RPGRIP1L: variants seen among roughly 807,000 people sequenced by gnomAD.
RPGRIP1L encodes the protein protein fantom.
In RPGRIP1L, 131 loss-of-function variants were observed where a neutral mutation model predicts 160.4. The ratio of observed to expected loss-of-function variants is 0.82; its 90% CI spans 0.71 to 0.94. The LOEUF (loss-of-function observed/expected upper bound fraction) is 0.94, where lower values mean the gene tolerates loss of function less well. RPGRIP1L is among the 40% of genes least tolerant of loss of function. The pLI is 0.00. For synonymous variants in RPGRIP1L, 510 were observed against 515.8 expected, an observed-to-expected ratio of 0.99 and a Z score of 0.15; for missense variants, 1,522 against 1,535.8, an observed-to-expected ratio of 0.99 and a Z score of 0.15.
intron 24 of RPGRIP1L, among the ~76,000 whole-genome samples, chr16:53,613,551 A>G (rs971083795): frequency 3.3e-5 from 5 of 152,098 alleles, no homozygotes; most frequent in African/African-American, 7.2e-5. Context: ...TCCTGGCCTC[A>G]AGTGATCCTA....
intron 16 of RPGRIP1L, among the ~76,000 whole-genome samples, chr16:53,648,616 G>GCA (rs1966726545): frequency 1.2e-5 from 1 of 84,334 alleles, no homozygotes; most frequent in Non-Finnish European, 2.5e-5. Flanking sequence ...ACGCGCGTGC[G>GCA]CGCGCGCGCG....
intron 3 of RPGRIP1L, chr16:53,693,888 G>A (rs1007274306): frequency 6.6e-6 from 1 of 152,190 alleles, no homozygotes; most frequent in African/African-American, 2.4e-5. Flanking sequence ...ACACAGAGAT[G>A]TAGATTACAT....
intron 24 of RPGRIP1L, among the ~76,000 whole-genome samples, chr16:53,612,818 T>C (rs1030423683): frequency 3.9e-5 from 6 of 152,224 alleles, no homozygotes; most frequent in African/African-American, 1.2e-4. Context: ...AATATCTACA[T>C]ATTGTGGTAC....
intron 9 of RPGRIP1L, among the ~76,000 whole-genome samples, chr16:53,667,955 G>T (rs192921864): frequency 6.6e-6 from 1 of 152,174 alleles, no homozygotes; most frequent in South Asian, 2.1e-4. Context: ...CTACTTGGGA[G>T]GCTGAGGTGG....
chr16:53,619,955 ATAAT>A (rs1964605260), intron 23 of RPGRIP1L, among the ~76,000 whole-genome samples: 1 of 152,164 alleles, frequency 6.6e-6, no homozygotes, highest in South Asian at 2.1e-4. Flanking sequence ...ATGATTTCAA[ATAAT>A]TAATAGACTA....
intron 10 of RPGRIP1L, among the ~76,000 whole-genome samples, chr16:53,663,863 A>G (rs1968018901): frequency 1.3e-5 from 2 of 152,202 alleles, no homozygotes; most frequent in South Asian, 4.1e-4. Context: ...TAAAAATGCC[A>G]TCACTTATAA....
chr16:53,606,865 C>G lies in RPGRIP1L; in HGVS notation c.3702-1251G>C, dbSNP rs573438195. On this transcript the variant is annotated intron_variant, in intron 25 of 26. Transcript: ENST00000647211. ...CTGATTTCAGGTGATCTGCCCACCT[C>G]GGCCTCCCAAAGTAATGGGATTACA... is the stretch of plus-strand genomic sequence containing the variant. Among the ~76,000 whole-genome samples the G allele has an allele frequency of 2.0e-5, 3 of 152,282 alleles. 1 individual carries two copies. The South Asian group carries it at 6.2e-4, about 32-fold the overall frequency.
chr16:53,700,851 T>G, intron 1 of RPGRIP1L, 121 bp from the exon 2 acceptor site: 1 of 745,484 alleles, frequency 1.3e-6, no homozygotes, highest in Non-Finnish European at 2.4e-6. Flanking sequence ...ATTGTCCACA[T>G]GTGCTGCTTG....
At position 53,611,547 on chromosome 16, in the gene RPGRIP1L, C is replaced by A. The variant is rs76388305; in HGVS notation, c.3617-496G>T. Among the ~76,000 whole-genome samples, 1,225 of 152,308 alleles carry A rather than the reference C, an allele frequency of 8.0e-3. 9 individuals carry two copies. The highest frequency in any genetic ancestry group is 0.018 in the African/African-American group (737 of 41,560). ...GGTTGAGGAAATCCGCAGGCTGACG[C>A]CTGCTGGGGAGGGGTATGGGAGAGA... On this transcript the variant is annotated intron_variant, in intron 24 of 26. Coordinates refer to ENST00000647211, the MANE Select transcript of RPGRIP1L (RefSeq NM_015272.5).
At chr16:53,645,445 A>G (rs1966476549) in intron 17 of RPGRIP1L, among the ~76,000 whole-genome samples, 180 bp downstream of exon 17, 1 of 152,048 alleles carries the variant, frequency 6.6e-6, no homozygotes, top group African/African-American at 2.4e-5. Context: ...TAATACTGGG[A>G]TAAGATGCAC....
chr16:53,687,991 T>C (rs1336325372), intron 4 of RPGRIP1L, 26 bp from the exon 5 acceptor site: 1 of 1,322,266 alleles, frequency 7.6e-7, no homozygotes, highest in Non-Finnish European at 1.1e-6. Flanking sequence ...TAAAATATGA[T>C]TACAGAATTG....
At chr16:53,638,436 T>A (rs750487146) in intron 19 of RPGRIP1L, 25 bp from the exon 20 acceptor site, 3 of 1,208,774 alleles carry the variant, frequency 2.5e-6, no homozygotes, top group Admixed American at 1.7e-5. Flanking sequence ...AAAACACGCA[T>A]GTATGTCATT....
At chr16:53,657,963 AAG>A (rs1317062320) in intron 12 of RPGRIP1L, among the ~76,000 whole-genome samples, 18 of 152,256 alleles carry the variant, frequency 1.2e-4, no homozygotes, top group Admixed American at 1.2e-3. Context: ...TGTGATGTAA[AAG>A]AAGTGTTTTT....
At chr16:53,686,308 T>C in intron 6 of RPGRIP1L, 125 bp downstream of exon 6, 1 of 1,060,954 alleles carries the variant, frequency 9.4e-7, no homozygotes, top group South Asian at 1.4e-5. Context: ...TAGGCTTATA[T>C]GAAGAATGTT....
intron 10 of RPGRIP1L, among the ~76,000 whole-genome samples, chr16:53,664,035 C>A (rs1033495901): frequency 1.3e-5 from 2 of 152,134 alleles, no homozygotes; most frequent in East Asian, 3.8e-4. Context: ...TCTCATGCAA[C>A]TGAATTGCAA....
chr16:53,656,899 A>G (rs563898483), intron 13 of RPGRIP1L, among the ~76,000 whole-genome samples: 1 of 152,312 alleles, frequency 6.6e-6, no homozygotes, highest in Non-Finnish European at 1.5e-5. Flanking sequence ...AAAGCTAACA[A>G]AGGTGATTTC....
chr16:53,623,359 T>C (rs1476165798), intron 22 of RPGRIP1L, among the ~76,000 whole-genome samples: 2 of 152,198 alleles, frequency 1.3e-5, no homozygotes, highest in Non-Finnish European at 2.9e-5. Flanking sequence ...ACACAATAAA[T>C]GAGTGGATCT....
intron 22 of RPGRIP1L, among the ~76,000 whole-genome samples, chr16:53,624,238 T>G (rs1454498327): frequency 6.6e-6 from 1 of 152,190 alleles, no homozygotes; most frequent in East Asian, 1.9e-4. Flanking sequence ...GCTGCAGGTA[T>G]TATTGCCTTC....
intron 25 of RPGRIP1L, among the ~76,000 whole-genome samples, chr16:53,610,573 A>C (rs1301540703): frequency 6.6e-6 from 1 of 151,612 alleles, no homozygotes; most frequent in Non-Finnish European, 1.5e-5. Context: ...GAGGTGCAAG[A>C]AGGTTAGGTA....
Sources: gnomAD v4.1 joint callset for allele counts (sites outside exome capture counted in the v4.1 genomes callset) on GRCh38, gnomAD v4.1.1 for gene constraint, MANE v1.5 for transcripts, NCBI Gene and HGNC (gene_info 2026-07-23, HGNC 2026-07-21) for gene names.